The following PRKCB variants were observed in gnomAD, a reference collection of about 807,000 sequenced individuals.
The protein encoded by PRKCB is protein kinase C beta.
PRKCB carries 13 observed loss-of-function variants against 81.5 expected under a neutral mutation model. The observed-to-expected ratio is 0.16, with a 90% CI of 0.10 to 0.25. PRKCB has a LOEUF of 0.25. Among genes scored for constraint, PRKCB ranks in the 10% least tolerant of loss-of-function variants. The pLI, the probability that PRKCB is intolerant of heterozygous loss-of-function variation, is 1.00. For synonymous variants in PRKCB, 335 were observed against 321.4 expected (o/e 1.04, Z -0.45); for missense variants, 509 against 875.7 (o/e 0.58, Z 5.29).
chr16:23,981,729 TTCCCCTTCCCTTCCCC>T (rs1964711890), intron 2 of PRKCB, among the ~76,000 whole-genome samples: 1 of 59,208 alleles, frequency 1.7e-5, no homozygotes, highest in Non-Finnish European at 3.2e-5. Flanking sequence ...TCCCCTTCCC[TTCCCCTTCCCTTCCCC>T]TTCCCTTCCC....
intron 8 of PRKCB, among the ~76,000 whole-genome samples, chr16:24,119,087 A>G (rs2141924341): frequency 6.6e-6 from 1 of 151,782 alleles, no homozygotes; most frequent in East Asian, 1.9e-4. Flanking sequence ...TAAAATGACA[A>G]CAAACTCTGT....
intron 2 of PRKCB, among the ~76,000 whole-genome samples, chr16:23,858,506 G>A (rs1962610238): frequency 6.6e-6 from 1 of 151,796 alleles, no homozygotes; most frequent in South Asian, 2.1e-4. Flanking sequence ...ACAGGAAGGG[G>A]AAATTCTCTA....
intron 1 of PRKCB, 53 bp from the exon 2 acceptor site, chr16:23,837,322 T>A: frequency 1.2e-6 from 2 of 1,610,080 alleles, no homozygotes; most frequent in South Asian, 2.2e-5. Context: ...GGTAACTAGC[T>A]GGAGGCTGGG....
chr16:23,863,255 T>TACACACAC lies in PRKCB; in HGVS notation c.205+25872_205+25879dup, dbSNP rs57495485. ...GTATATATATACATATATATACACA[T>TACACACAC]ACACACACACACACACACACACACA... On this transcript the variant is annotated intron_variant, in intron 2 of 16. Coordinates refer to ENST00000643927, the MANE Select transcript of PRKCB (RefSeq NM_002738.7). Among the ~76,000 whole-genome samples, 1,259 of 132,788 alleles carry TACACACAC rather than the reference T, an allele frequency of 9.5e-3. 14 individuals carry two copies. The highest frequency in any genetic ancestry group is 0.023 in the South Asian group (93 of 3,974). 87.1% of individuals were successfully genotyped at this position (132,788 alleles called of 152,430 possible). A position where few individuals can be genotyped will look rare whatever the true frequency, so the allele number is the denominator to read the frequency against.
At chr16:24,028,934 G>T (rs1345877901) in intron 3 of PRKCB, among the ~76,000 whole-genome samples, 1 of 152,134 alleles carries the variant, frequency 6.6e-6, no homozygotes, top group Admixed American at 6.5e-5. Flanking sequence ...GGGACTACAG[G>T]CATGTGCCAC....
intron 5 of PRKCB, among the ~76,000 whole-genome samples, chr16:24,070,756 T>A (rs770386111): frequency 2.0e-5 from 3 of 152,160 alleles, no homozygotes; most frequent in Non-Finnish European, 4.4e-5. Context: ...CACTTTGAAC[T>A]CAAACTCAGG....
At chr16:24,168,508 T>C (rs564620579) in intron 10 of PRKCB, among the ~76,000 whole-genome samples, 1 of 151,548 alleles carries the variant, frequency 6.6e-6, no homozygotes, top group African/African-American at 2.4e-5. Flanking sequence ...TAATTTCCAT[T>C]TCATCATTTC....
rs1244472735 is a variant in PRKCB, at chr16:23,871,321, A to T, written c.205+33915A>T. ...CTGAATCATAGTCATCTTTCTCTCC[A>T]CATGCCTGGCCCGTGAAGGATTTGC... On this transcript the variant is annotated intron_variant, in intron 2 of 16. Coordinates refer to ENST00000643927, the MANE Select transcript of PRKCB (RefSeq NM_002738.7). Among the ~76,000 whole-genome samples the T allele has an allele frequency of 2.6e-5, 4 of 152,102 alleles. No individual in the cohort carries two copies. The East Asian group carries it at 7.7e-4, about 29-fold the overall frequency.
At chr16:24,088,493 G>A (rs971268587) in intron 5 of PRKCB, among the ~76,000 whole-genome samples, 3 of 152,038 alleles carry the variant, frequency 2.0e-5, no homozygotes, top group Non-Finnish European at 2.9e-5. Flanking sequence ...TTGGGAGGCC[G>A]AAGCGGGAGG....
chr16:24,070,360 G>T (rs1966092750), intron 5 of PRKCB, among the ~76,000 whole-genome samples: 1 of 151,896 alleles, frequency 6.6e-6, no homozygotes, highest in African/African-American at 2.4e-5. Flanking sequence ...TCTTGGCCAG[G>T]CTGGTCTCAA....
intron 5 of PRKCB, among the ~76,000 whole-genome samples, chr16:24,079,501 A>G (rs1966222689): frequency 1.3e-5 from 2 of 152,340 alleles, no homozygotes; most frequent in South Asian, 4.1e-4. Flanking sequence ...CTAAAAATGT[A>G]ATTAATGCTC....
At chr16:24,190,964 A>C in intron 15 of PRKCB, 126 bp from the exon 16 acceptor site, 1 of 1,264,636 alleles carries the variant, frequency 7.9e-7, no homozygotes, top group African/African-American at 1.5e-5. Context: ...AAAAGCAAAA[A>C]ACAAAAATGA....
chr16:24,115,653 A>G (rs569663045), intron 8 of PRKCB, among the ~76,000 whole-genome samples: 125 of 152,030 alleles, frequency 8.2e-4, no homozygotes, highest in Middle Eastern at 3.4e-3. Flanking sequence ...TCCCAAGACT[A>G]TTTATCCCAA....
At position 24,059,395 on chromosome 16, in the gene PRKCB, T is replaced by C. The variant is rs184682226; in HGVS notation, c.529+23848T>C. 1.4e-4 allele frequency among the ~76,000 whole-genome samples: 21 copies of C among 152,278 alleles called. No individual in the cohort carries two copies. The East Asian group carries it at 4.1e-3, about 29-fold the overall frequency. ...TTTTAAGTCCAGGTGCAGTGGCTCA[T>C]GTCTGTAATCCCAGCACTTTGGGAG... is the stretch of plus-strand genomic sequence containing the variant. On this transcript the variant is annotated intron_variant, in intron 5 of 16. Coordinates refer to ENST00000643927, the MANE Select transcript of PRKCB (RefSeq NM_002738.7).
rs1968219975 is a variant in PRKCB at position 24,215,890 on chromosome 16, C to A, written c.*1074C>A. On this transcript the variant is annotated 3_prime_UTR_variant, in exon 17 of 17. Coordinates refer to ENST00000643927, the MANE Select transcript of PRKCB (RefSeq NM_002738.7). ...TCTTGAAACAAAGATGGTTGTATTC[C>A]TCACTTTGATGTTGTTTTGCAAGAT... is the stretch of plus-strand genomic sequence containing the variant. The A allele has an allele frequency of 1.0e-6, 1 of 984,968 alleles. No homozygotes were observed. 61.0% of individuals were successfully genotyped at this position (984,968 alleles called of 1,614,324 possible).
intron 9 of PRKCB, among the ~76,000 whole-genome samples, chr16:24,152,247 C>T (rs148598397): frequency 3.3e-5 from 5 of 152,176 alleles, no homozygotes; most frequent in African/African-American, 4.8e-5. Context: ...GAGAGCTAAG[C>T]GAAAGGGGAA....
intron 8 of PRKCB, among the ~76,000 whole-genome samples, chr16:24,114,714 C>A (rs1966716261): frequency 6.6e-6 from 1 of 152,102 alleles, no homozygotes; most frequent in Non-Finnish European, 1.5e-5. Context: ...CCCACAAACT[C>A]AATACACTGA....
In PRKCB at chr16:23,988,488, C is replaced by A; in HGVS notation, c.206-20C>A. On this transcript the variant is annotated intron_variant, in intron 2 of 16. Transcript: ENST00000643927. ...GCTTTCCTTCTTCCCTTCCTCCCAC[C>A]CTGATTTTCTCTTTTGCAGTTTGCT... The A allele has an allele frequency of 6.2e-7, 1 of 1,609,766 alleles. No individual in the cohort carries two copies. The highest frequency in any genetic ancestry group is 1.3e-5 in the African/African-American group (1 of 74,976).
chr16:24,053,436 C>T (rs752295466), intron 5 of PRKCB, among the ~76,000 whole-genome samples: 9 of 152,336 alleles, frequency 5.9e-5, no homozygotes, highest in South Asian at 2.1e-4. Context: ...GCCAATAAAA[C>T]TTTATTTACA....
Sources: gnomAD v4.1 joint callset for allele counts (sites outside exome capture counted in the v4.1 genomes callset) on GRCh38, gnomAD v4.1.1 for gene constraint, MANE v1.5 for transcripts, NCBI Gene and HGNC (gene_info 2026-07-23, HGNC 2026-07-21) for gene names.